Variants in TMEM108 observed in about 807,000 individuals in gnomAD.
The protein encoded by TMEM108 is transmembrane protein 108, also known as cancer/testis antigen 124.
TMEM108 carries 12 observed loss-of-function variants against 35.1 expected under a neutral mutation model. That is an observed-to-expected ratio of 0.34 (90% confidence interval 0.22 to 0.55). The LOEUF is 0.55. Among genes scored for constraint, TMEM108 ranks in the 20% least tolerant of loss-of-function variants. TMEM108 has a pLI of 0.89. For missense variants in TMEM108, 680 were observed against 753.3 expected (o/e 0.90, Z 1.14); for synonymous variants, 287 against 308.6 (o/e 0.93, Z 0.73).
At chr3:133,324,371 C>T (rs1223551073) in intron 3 of TMEM108, among the ~76,000 whole-genome samples, 1 of 152,068 alleles carries the variant, frequency 6.6e-6, no homozygotes, top group Non-Finnish European at 1.5e-5. Context: ...CATGAATAGA[C>T]AATTTTCAAA....
At chr3:133,138,807 A>G (rs943730558) in intron 2 of TMEM108, among the ~76,000 whole-genome samples, 2 of 151,860 alleles carry the variant, frequency 1.3e-5, no homozygotes, top group Non-Finnish European at 2.9e-5. Context: ...GTACATGTGT[A>G]GAATGTGCAG....
At chr3:133,141,051 T>C (rs1944634186) in intron 2 of TMEM108, among the ~76,000 whole-genome samples, 1 of 152,208 alleles carries the variant, frequency 6.6e-6, no homozygotes, top group Non-Finnish European at 1.5e-5. Flanking sequence ...CATAGTAATG[T>C]TGCTCATATC....
At chr3:133,143,672 T>G (rs9854387) in intron 2 of TMEM108, among the ~76,000 whole-genome samples, 35,704 of 152,062 alleles carry the variant, frequency 0.23, 4,709 homozygotes, top group Non-Finnish European at 0.3. Context: ...AGGTGTGTAA[T>G]TCTCCTAAGC....
rs146368088 is a variant in TMEM108 at position 133,168,493 on chromosome 3, C to T, written c.-46-60773C>T. 5.5e-3 allele frequency among the ~76,000 whole-genome samples: 841 copies of T among 152,078 alleles called. 11 individuals carry two copies. The highest frequency in any genetic ancestry group is 0.018 in the African/African-American group (762 of 41,482). ...GGTGAAGCTGGCTGGGCTTCTGGGT[C>T]GGGTGGGAACTTGGAGAACTTTTCT... is the stretch of plus-strand genomic sequence containing the variant. On this transcript the variant is annotated intron_variant, in intron 2 of 5. Transcript: ENST00000321871.
At chr3:133,156,580 G>T (rs1036897677) in intron 2 of TMEM108, among the ~76,000 whole-genome samples, 1 of 152,132 alleles carries the variant, frequency 6.6e-6, no homozygotes, top group Non-Finnish European at 1.5e-5. Flanking sequence ...TTGTAAAATG[G>T]GATGCAGATA....
intron 2 of TMEM108, among the ~76,000 whole-genome samples, chr3:133,101,128 C>A (rs1271216795): frequency 6.6e-6 from 1 of 152,112 alleles, no homozygotes; most frequent in Non-Finnish European, 1.5e-5. Context: ...TGAAAAGAGC[C>A]TTGTATGTAA....
At chr3:133,220,320 A>C (rs922704494) in intron 2 of TMEM108, among the ~76,000 whole-genome samples, 2 of 151,950 alleles carry the variant, frequency 1.3e-5, no homozygotes, top group African/African-American at 4.8e-5. Flanking sequence ...TGCGTTGACC[A>C]GGCTGGAGTG....
chr3:133,241,609 C>CTTTT (rs71136458), intron 3 of TMEM108, among the ~76,000 whole-genome samples: 11 of 76,262 alleles, frequency 1.4e-4, no homozygotes, highest in Non-Finnish European at 1.7e-4. Context: ...TTTCCTGTGG[C>CTTTT]TTTTTTTTTT....
In TMEM108 at chr3:133,057,435, G is replaced by GTA. The variant is rs56983894; in HGVS notation, c.-47+11465_-47+11466dup. ...TGGGCTATTAGTTGTGTGTGTGTGT[G>GTA]TATATATATATATATATATATATAT... is the stretch of plus-strand genomic sequence containing the variant. On this transcript the variant is annotated intron_variant, in intron 2 of 5. Transcript: ENST00000321871. 5.9e-3 allele frequency among the ~76,000 whole-genome samples: 268 copies of GTA among 45,630 alleles called. 1 individual carries two copies. Among genetic ancestry groups the GTA allele is most frequent in the African/African-American group, 7.5e-3 (107 of 14,220 alleles). The allele number at this position is 45,630 out of a possible 152,430, so 29.9% of individuals were successfully genotyped here. A position where few individuals can be genotyped will look rare whatever the true frequency, so the allele number is the denominator to read the frequency against.
chr3:133,373,205 T>G (rs115212737), intron 3 of TMEM108, among the ~76,000 whole-genome samples: 1 of 151,886 alleles, frequency 6.6e-6, no homozygotes, highest in Admixed American at 6.6e-5. Context: ...AAAAATTAGC[T>G]GGGCACAGTG....
intron 2 of TMEM108, among the ~76,000 whole-genome samples, chr3:133,131,257 C>T (rs559621141): frequency 6.6e-6 from 1 of 152,184 alleles, no homozygotes; most frequent in Admixed American, 6.5e-5. Context: ...AATTATTATT[C>T]AAGACACATT....
At chr3:133,389,057 G>A in intron 4 of TMEM108, 1 of 985,434 alleles carries the variant, frequency 1.0e-6, no homozygotes, top group Non-Finnish European at 1.2e-6. Context: ...ATGAACCTGG[G>A]GCAGGATATA....
chr3:133,291,691 T>TA (rs1478913323), intron 3 of TMEM108, among the ~76,000 whole-genome samples: 1 of 152,122 alleles, frequency 6.6e-6, no homozygotes, highest in Non-Finnish European at 1.5e-5. Context: ...ATAAGCCCCT[T>TA]AGATGTCCTA....
intron 3 of TMEM108, among the ~76,000 whole-genome samples, chr3:133,261,463 G>C (rs1044793723): frequency 1.3e-5 from 2 of 152,104 alleles, no homozygotes; most frequent in African/African-American, 4.8e-5. Flanking sequence ...CACTCTTCCT[G>C]GCTGTGCATC....
chr3:133,108,466 G>A (rs953440400), intron 2 of TMEM108, among the ~76,000 whole-genome samples: 2 of 152,096 alleles, frequency 1.3e-5, no homozygotes, highest in African/African-American at 4.8e-5. Context: ...TGATGGGGTC[G>A]TTTGTTTTTT....
In TMEM108 at chr3:133,397,429, A is replaced by G. The variant is rs2073321805; in HGVS notation, c.*1443A>G. 6.6e-6 allele frequency: 1 copy of G among 151,006 alleles called. No individual in the cohort carries two copies. Among genetic ancestry groups the G allele is most frequent in the African/African-American group, 2.4e-5 (1 of 41,144 alleles). The allele number at this position is 151,006 out of a possible 1,614,324, so 9.4% of individuals were successfully genotyped here. On this transcript the variant is annotated 3_prime_UTR_variant, in exon 6 of 6. Coordinates refer to ENST00000321871, the MANE Select transcript of TMEM108 (RefSeq NM_023943.4). ...GATGGCCTTCAAAAGTGTGTTCTCA[A>G]TGTTGTATGAACCTCCTTCACATGA...
chr3:133,344,371 AT>A (rs1380800483), intron 3 of TMEM108, among the ~76,000 whole-genome samples: 1 of 151,794 alleles, frequency 6.6e-6, no homozygotes, highest in East Asian at 1.9e-4. Flanking sequence ...GTCAAAACTT[AT>A]GGTTGAAAAG....
intron 2 of TMEM108, among the ~76,000 whole-genome samples, chr3:133,116,081 T>G (rs1006868650): frequency 3.3e-5 from 5 of 152,206 alleles, no homozygotes; most frequent in Non-Finnish European, 7.3e-5. Context: ...ACTCCAAGTC[T>G]TTAGTAATGA....
chr3:133,254,306 G>T (rs979739248), intron 3 of TMEM108, among the ~76,000 whole-genome samples: 1 of 152,216 alleles, frequency 6.6e-6, no homozygotes, highest in Non-Finnish European at 1.5e-5. Context: ...GAAAAAAATA[G>T]TGACAACAAA....
Sources: allele counts gnomAD v4.1 joint callset (sites outside exome capture counted in the v4.1 genomes callset), GRCh38; gene constraint gnomAD v4.1.1; transcripts MANE v1.5; gene names NCBI Gene and HGNC (gene_info 2026-07-23, HGNC 2026-07-21).